Variants in GTF3C2 observed in about 807,000 individuals in gnomAD.
GTF3C2 encodes the protein general transcription factor 3C polypeptide 2.
GTF3C2 carries 17 observed loss-of-function variants against 117.4 expected under a neutral mutation model. That is an observed-to-expected ratio of 0.14 (90% CI 0.10 to 0.22). The LOEUF is 0.22. Among genes scored for constraint, GTF3C2 ranks in the 10% least tolerant of loss-of-function variants. The probability of loss-of-function intolerance (pLI) is 1.00; values close to 1 mark genes in which losing one functional copy is unlikely to be tolerated. For synonymous variants in GTF3C2, 437 were observed against 427.0 expected (o/e 1.02, Z -0.29); for missense variants, 888 against 1,143.6 (o/e 0.78, Z 3.22).
In GTF3C2 at chr2:27,355,439, G is replaced by C. The variant is rs2148353412; in HGVS notation, c.-25+1300C>G. On this transcript the variant is annotated intron_variant, in intron 1 of 18. Transcript: ENST00000264720. ...GGAGGCTGAGGCAGGAGAATCGCTT[G>C]AACCCGGGAGGCGGAGGTTGCAGTG... Among the ~76,000 whole-genome samples, 6 of 151,962 alleles carry C rather than the reference G, an allele frequency of 3.9e-5. 1 individual carries two copies. The highest frequency in any genetic ancestry group is 3.9e-4 in the Admixed American group (6 of 15,262).
intron 18 of GTF3C2, 83 bp from the exon 19 acceptor site, chr2:27,326,976 AAAT>A: frequency 1.2e-6 from 1 of 865,990 alleles, no homozygotes; most frequent in South Asian, 1.7e-5. Flanking sequence ...CAAAAAAAAA[AAAT>A]GAGCCACAAT....
At chr2:27,335,547 A>T in intron 10 of GTF3C2, 51 bp downstream of exon 10, 1 of 1,032,944 alleles carries the variant, frequency 9.7e-7, no homozygotes, top group Non-Finnish European at 1.5e-6. Context: ...AGGCCCTGCT[A>T]TGCTGTGACC....
rs1283773218 is a variant in GTF3C2 at position 27,351,890 on chromosome 2, A to C, written c.-25+4849T>G. 8.0e-3 allele frequency among the ~76,000 whole-genome samples: 1,218 copies of C among 152,244 alleles called. 17 individuals carry two copies. Among genetic ancestry groups the C allele is most frequent in the African/African-American group, 0.028 (1,163 of 41,532 alleles). On this transcript the variant is annotated intron_variant, in intron 1 of 18. Transcript: ENST00000264720. ...TCCCACACGCCCCCCATCTTGTAAA[A>C]ATCTTGTTCCTTTGATGCTTAGAAC...
chr2:27,336,061 AG>A (rs761448745), intron 8 of GTF3C2, 33 bp from the exon 9 acceptor site: 1 of 1,483,954 alleles, frequency 6.7e-7, no homozygotes, highest in Non-Finnish European at 9.4e-7. Flanking sequence ...GATGGTGGGT[AG>A]GAAGAAGGGA....
At chr2:27,331,553 T>C (rs1680272053) in intron 12 of GTF3C2, among the ~76,000 whole-genome samples, 2 of 152,132 alleles carry the variant, frequency 1.3e-5, no homozygotes, top group East Asian at 3.9e-4. Context: ...TCTCGATCTC[T>C]TGACCTGGTG....
At chr2:27,326,519 A>C in exon 19 of GTF3C2, 1 of 626,758 alleles carries the variant, frequency 1.6e-6, no homozygotes, top group Non-Finnish European at 2.9e-6. Context: ...AAGTCTGTAG[A>C]AAGAGTGGGA....
At position 27,329,995 on chromosome 2, in the gene GTF3C2, A is replaced by C. The variant is rs1680222438; in HGVS notation, c.1733-472T>G. On this transcript the variant is annotated intron_variant, in intron 12 of 18. Transcript: ENST00000264720. The surrounding 1 kb of genome is among the most constrained non-coding windows in gnomAD (Gnocchi z 4.5). ...CCCCGTCTCTACTAAAAATACAAAA[A>C]ATTGGCCAGATGTGGTGGTGGGTGT... Among the ~76,000 whole-genome samples the C allele has an allele frequency of 6.6e-6, 1 of 151,692 alleles. No homozygotes were observed. The highest frequency in any genetic ancestry group is 2.4e-5 in the African/African-American group (1 of 41,250).
chr2:27,338,681 C>T (rs892958014), intron 4 of GTF3C2, among the ~76,000 whole-genome samples: 3 of 151,028 alleles, frequency 2.0e-5, no homozygotes, highest in African/African-American at 7.3e-5. Context: ...GGACTACAGG[C>T]ACACCCCACT....
In GTF3C2 at chr2:27,342,827, C is replaced by T. The variant is rs375008985; in HGVS notation, c.568G>A (p.Val190Met). Reference sequence around the variant, plus strand: ...CAAGCTATGCCCCACAATCCTTACACTTGGGCAGCCCTTCGGCGGGGTCGT... The same window carrying T: ...CAAGCTATGCCCCACAATCCTTACATTTGGGCAGCCCTTCGGCGGGGTCGT... Residue 190 changes from valine (V) to methionine (M), a missense_variant and splice_region_variant, in exon 3 of 19, where the codon GTG (valine) becomes ATG (methionine). This residue lies in a region of GTF3C2 where 393 missense variants were observed against 401.5 expected (regional missense o/e 0.98). Coordinates refer to ENST00000264720, the Ensembl canonical transcript of GTF3C2. The T allele has an allele frequency of 3.1e-6, 5 of 1,611,604 alleles. No homozygotes were observed. The highest frequency in any genetic ancestry group is 2.2e-5 in the South Asian group (2 of 90,898).
intron 4 of GTF3C2, among the ~76,000 whole-genome samples, chr2:27,338,512 G>A (rs1680587017): frequency 6.6e-6 from 1 of 152,016 alleles, no homozygotes; most frequent in African/African-American, 2.4e-5. Context: ...ATGTCCCATG[G>A]CTTTGACTAC....
intron 10 of GTF3C2, chr2:27,335,245 T>C (rs1032094935): frequency 2.1e-6 from 1 of 487,430 alleles, no homozygotes; most frequent in East Asian, 6.4e-5. Flanking sequence ...AAGAACAGGA[T>C]TGGGGGAACA....
At chr2:27,342,033 A>G (rs146067318) in exon 4 of GTF3C2, 6 of 1,613,860 alleles carry the variant, frequency 3.7e-6, no homozygotes, top group Middle Eastern at 3.3e-4. Flanking sequence ...ACTTTCTTCC[A>G]CATCTTCAGC....
In GTF3C2 at chr2:27,351,873, G is replaced by GCC. The variant is rs368405936; in HGVS notation, c.-25+4864_-25+4865dup. 3.5e-4 allele frequency among the ~76,000 whole-genome samples: 53 copies of GCC among 151,934 alleles called. 1 individual carries two copies. Among genetic ancestry groups the GCC allele is most frequent in the Admixed American group, 2.6e-4 (4 of 15,240 alleles). On this transcript the variant is annotated intron_variant, in intron 1 of 18. Transcript: ENST00000264720. ...CACTTGCAGACCAACAGTCCCACACGCCCCCCATCTTGTAAAAATCTTGTT... is the reference window on the plus strand; with the variant it reads ...CACTTGCAGACCAACAGTCCCACACGCCCCCCCCATCTTGTAAAAATCTTGTT...
chr2:27,340,007 AG>A (rs1373652565), intron 4 of GTF3C2: 1 of 136,088 alleles, frequency 7.3e-6, no homozygotes, highest in Non-Finnish European at 1.6e-5. Context: ...AAAAAAAAAA[AG>A]GGAAAAAAGA....
At chr2:27,326,554 C>T (rs1680078342) in exon 19 of GTF3C2, 1 of 711,216 alleles carries the variant, frequency 1.4e-6, no homozygotes, top group Non-Finnish European at 2.4e-6. Context: ...GGGAGGCAGG[C>T]CTAAAGGTCC....
At position 27,329,321 on chromosome 2, in the gene GTF3C2, CG is replaced by C. The variant is rs1680200918; in HGVS notation, c.1878-40del. The stretch of plus-strand genomic sequence containing the variant: ...GGAGAAGGTCAAATCCAAACAAATC[CG>C]GAAGTCAGCCTGTCCCAGTCTTCAC... On this transcript the variant is annotated intron_variant, in intron 13 of 18. Transcript: ENST00000264720. This position sits in a 1 kb window ranked among gnomAD's most constrained non-coding sequence, Gnocchi z 4.5. The C allele has an allele frequency of 5.6e-6, 9 of 1,613,794 alleles. No individual in the cohort carries two copies. Among genetic ancestry groups the C allele is most frequent in the African/African-American group, 2.7e-5 (2 of 74,888 alleles).
At chr2:27,352,680 TAAA>T (rs909333770) in intron 1 of GTF3C2, among the ~76,000 whole-genome samples, 4 of 152,152 alleles carry the variant, frequency 2.6e-5, no homozygotes, top group Admixed American at 6.5e-5. Context: ...TATATAGATA[TAAA>T]AAAAGTTTAA....
intron 1 of GTF3C2, among the ~76,000 whole-genome samples, chr2:27,354,268 G>T (rs1208929786): frequency 6.6e-6 from 1 of 152,044 alleles, no homozygotes; most frequent in Non-Finnish European, 1.5e-5. Context: ...GGGTGACAGA[G>T]CAAGATCTTG....
chr2:27,343,698 A>G, intron 1 of GTF3C2, 120 bp from the exon 2 acceptor site: 2 of 781,102 alleles, frequency 2.6e-6, no homozygotes, highest in Non-Finnish European at 4.1e-6. Context: ...CTGATTATTC[A>G]CTTATTCAAC....
Sources: allele counts gnomAD v4.1 joint callset (sites outside exome capture counted in the v4.1 genomes callset), GRCh38; gene constraint gnomAD v4.1.1; regional missense constraint gnomAD v4.1.1; non-coding constraint Gnocchi (gnomAD v3.1); transcripts MANE v1.5; gene names NCBI Gene and HGNC (gene_info 2026-07-23, HGNC 2026-07-21).